GRAMD2B: variants seen among roughly 807,000 people sequenced by gnomAD.
GRAMD2B encodes the protein GRAM domain-containing protein 2B.
A neutral mutation model predicts 59.2 loss-of-function variants in GRAMD2B; 41 were observed. The ratio of observed to expected loss-of-function variants is 0.69; its 90% confidence interval spans 0.54 to 0.90. The LOEUF is 0.90. Among genes scored for constraint, GRAMD2B ranks in the 40% least tolerant of loss-of-function variants. The pLI is 0.00. For synonymous variants in GRAMD2B, 161 were observed against 182.7 expected (o/e 0.88, Z 0.96); for missense variants, 424 against 500.5 (o/e 0.85, Z 1.46).
chr5:126,468,759 A>C (rs1242732285), intron 2 of GRAMD2B, among the ~76,000 whole-genome samples: 1 of 152,058 alleles, frequency 6.6e-6, no homozygotes, highest in African/African-American at 2.4e-5. Context: ...AAGTGCTGTG[A>C]TTACAGGCAT....
intron 1 of GRAMD2B, among the ~76,000 whole-genome samples, chr5:126,455,350 T>C (rs1412725213): frequency 6.6e-6 from 1 of 152,194 alleles, no homozygotes; most frequent in Non-Finnish European, 1.5e-5. Context: ...TCAAATGAAG[T>C]CTAAAAGTAG....
At chr5:126,488,497 G>A (rs979383450) in intron 12 of GRAMD2B, among the ~76,000 whole-genome samples, 2 of 152,174 alleles carry the variant, frequency 1.3e-5, no homozygotes, top group Non-Finnish European at 2.9e-5. Flanking sequence ...TAATAAAAGG[G>A]TTCTAAGAAA....
intron 1 of GRAMD2B, among the ~76,000 whole-genome samples, chr5:126,455,728 G>A (rs1766163127): frequency 6.6e-6 from 1 of 152,108 alleles, no homozygotes; most frequent in African/African-American, 2.4e-5. Flanking sequence ...TACATTTCTA[G>A]TTTCTCGTAC....
intron 1 of GRAMD2B, among the ~76,000 whole-genome samples, chr5:126,406,148 T>C (rs1021546462): frequency 3.3e-5 from 5 of 152,076 alleles, no homozygotes; most frequent in African/African-American, 1.2e-4. Context: ...TGTTGTTTTG[T>C]CCTTCATTCT....
intron 1 of GRAMD2B, among the ~76,000 whole-genome samples, chr5:126,398,973 T>G (rs1244586858): frequency 6.6e-6 from 1 of 152,224 alleles, no homozygotes; most frequent in East Asian, 1.9e-4. Context: ...GGAATGATTT[T>G]GACTTTATTG....
intron 1 of GRAMD2B, among the ~76,000 whole-genome samples, chr5:126,377,360 A>G (rs1755279392): frequency 6.6e-6 from 1 of 152,048 alleles, no homozygotes; most frequent in South Asian, 2.1e-4. Flanking sequence ...TTACAAAGCC[A>G]ATGCAGCTTA....
At chr5:126,420,631 C>T (rs185597794), upstream of GRAMD2B, among the ~76,000 whole-genome samples, 3 of 152,214 alleles carry the variant, frequency 2.0e-5, no homozygotes, top group Admixed American at 2.0e-4. Flanking sequence ...GCTAAGACTG[C>T]TTTGAATACT....
intron 1 of GRAMD2B, among the ~76,000 whole-genome samples, chr5:126,464,430 C>T (rs1006187265): frequency 6.6e-6 from 1 of 152,180 alleles, no homozygotes; most frequent in Non-Finnish European, 1.5e-5. Context: ...TTCAACATCC[C>T]TTCCTTTCCC....
chr5:126,436,290 CCTA>C (rs1762391788), intron 1 of GRAMD2B, among the ~76,000 whole-genome samples: 1 of 151,996 alleles, frequency 6.6e-6, no homozygotes, highest in Non-Finnish European at 1.5e-5. Flanking sequence ...TTTTTGAGGA[CCTA>C]CTATTTTTAG....
At chr5:126,477,592 A>G (rs1581224191) in intron 5 of GRAMD2B, 100 bp from the exon 6 acceptor site, 1 of 784,640 alleles carries the variant, frequency 1.3e-6, no homozygotes, top group Admixed American at 1.9e-5. Context: ...GCTGGTTTTG[A>G]TTTCTGTTTA....
chr5:126,483,040 A>C (rs1181445664), intron 8 of GRAMD2B, among the ~76,000 whole-genome samples: 1 of 150,266 alleles, frequency 6.7e-6, no homozygotes, highest in Non-Finnish European at 1.5e-5. Flanking sequence ...TTTTTTAAAA[A>C]AATTATAAGT....
intron 1 of GRAMD2B, among the ~76,000 whole-genome samples, chr5:126,389,811 G>A (rs1756552546): frequency 6.6e-6 from 1 of 151,990 alleles, no homozygotes; most frequent in Non-Finnish European, 1.5e-5. Context: ...AGCTGGATGT[G>A]GTGGTGCGTG....
Position 126,493,203 on chromosome 5 carries a change from A to C in GRAMD2B, c.*247A>C. Reference sequence around the variant, plus strand: ...GCTTTTGCCTGAAGAAAACAGACCCATCTCTGGAGGTCTCAGGAAGGGCCC... The same window carrying C: ...GCTTTTGCCTGAAGAAAACAGACCCCTCTCTGGAGGTCTCAGGAAGGGCCC... On this transcript the variant is annotated 3_prime_UTR_variant, in exon 14 of 14. Transcript: ENST00000285689. 2.0e-6 allele frequency: 1 copy of C among 495,494 alleles called. No homozygotes were observed. 30.7% of individuals were successfully genotyped at this position (495,494 alleles called of 1,614,324 possible).
At chr5:126,392,317 G>A (rs1446840668) in intron 1 of GRAMD2B, among the ~76,000 whole-genome samples, 1 of 152,198 alleles carries the variant, frequency 6.6e-6, no homozygotes. Flanking sequence ...ATCACAGGGG[G>A]AAAGACACAA....
chr5:126,457,247 G>A (rs1221849586), intron 1 of GRAMD2B, among the ~76,000 whole-genome samples: 2 of 145,452 alleles, frequency 1.4e-5, no homozygotes, highest in African/African-American at 5.1e-5. Context: ...CACATGTCAT[G>A]TTTTTCCCTC....
intron 1 of GRAMD2B, among the ~76,000 whole-genome samples, chr5:126,394,387 T>G (rs913910183): frequency 6.6e-6 from 1 of 152,244 alleles, no homozygotes; most frequent in East Asian, 1.9e-4. Flanking sequence ...AAAGGTTTGT[T>G]ATATGGTAGA....
chr5:126,390,439 T>C (rs573156882), intron 1 of GRAMD2B, among the ~76,000 whole-genome samples: 13 of 152,366 alleles, frequency 8.5e-5, no homozygotes, highest in African/African-American at 3.1e-4. Context: ...TAATTAATGA[T>C]AAATAATAAT....
intron 2 of GRAMD2B, among the ~76,000 whole-genome samples, chr5:126,468,544 A>G (rs1324876674): frequency 6.6e-6 from 1 of 151,706 alleles, no homozygotes; most frequent in Non-Finnish European, 1.5e-5. Flanking sequence ...CTGGAGTGCA[A>G]TGGTGCAATA....
intron 1 of GRAMD2B, among the ~76,000 whole-genome samples, chr5:126,387,794 TAAGCTCCTTCTGGGGAAAA>T (rs926676917): frequency 1.3e-5 from 2 of 152,120 alleles, no homozygotes; most frequent in Non-Finnish European, 2.9e-5. Context: ...CATAAATTTA[TAAGCTCCTTCTGGGGAAAA>T]AATGAAGAAT....
Sources: allele counts gnomAD v4.1 joint callset (sites outside exome capture counted in the v4.1 genomes callset), GRCh38; gene constraint gnomAD v4.1.1; transcripts MANE v1.5; gene names NCBI Gene and HGNC (gene_info 2026-07-23, HGNC 2026-07-21).